Variants in CDH18 observed in about 807,000 individuals in gnomAD.
CDH18 encodes cadherin-18.
A neutral mutation model predicts 67.9 loss-of-function variants in CDH18; 31 were observed. That is an observed-to-expected ratio of 0.46 (90% CI 0.34 to 0.62). The LOEUF is 0.62. Among genes scored for constraint, CDH18 ranks in the 20% least tolerant of loss-of-function variants. CDH18 has a pLI of 0.01. For synonymous variants in CDH18, 362 were observed against 347.2 expected (o/e 1.04, Z -0.48); for missense variants, 890 against 975.5 (o/e 0.91, Z 1.17).
intron 1 of CDH18, among the ~76,000 whole-genome samples, chr5:20,285,318 C>T (rs1746601696): frequency 6.7e-6 from 1 of 150,080 alleles, no homozygotes. Context: ...CCACTGTTCT[C>T]AAGGATTTTG....
chr5:19,512,823 T>C (rs1038886030), intron 10 of CDH18, among the ~76,000 whole-genome samples: 30 of 152,098 alleles, frequency 2.0e-4, no homozygotes, highest in Non-Finnish European at 3.7e-4. Context: ...ATTTTAATTA[T>C]GACATTTATT....
At chr5:20,174,056 A>G (rs2126660498) in intron 2 of CDH18, among the ~76,000 whole-genome samples, 1 of 152,328 alleles carries the variant, frequency 6.6e-6, no homozygotes, top group South Asian at 2.1e-4. Flanking sequence ...AGTAGTCAAG[A>G]GAAAGTTTCC....
chr5:20,153,913 C>A (rs1454023288), intron 2 of CDH18, among the ~76,000 whole-genome samples: 1 of 152,128 alleles, frequency 6.6e-6, no homozygotes, highest in Non-Finnish European at 1.5e-5. Context: ...AGGAGGAAAC[C>A]AGTCCATAAA....
intron 1 of CDH18, among the ~76,000 whole-genome samples, chr5:20,306,092 A>C (rs548087762): frequency 6.6e-6 from 1 of 152,226 alleles, no homozygotes; most frequent in African/African-American, 2.4e-5. Flanking sequence ...AGACTTCTAC[A>C]CACAGCCTTG....
chr5:20,505,180 A>G (rs575929307), intron 1 of CDH18, among the ~76,000 whole-genome samples: 18 of 152,312 alleles, frequency 1.2e-4, no homozygotes, highest in Admixed American at 1.1e-3. Flanking sequence ...GACTGGTGGT[A>G]TAAGTACAGT....
At chr5:19,928,559 A>G (rs75946446) in intron 2 of CDH18, among the ~76,000 whole-genome samples, 8,096 of 152,214 alleles carry the variant, frequency 0.053, 704 homozygotes, top group African/African-American at 0.18. Flanking sequence ...ATGCTACACA[A>G]TACAGGAATG....
At chr5:19,956,684 T>C (rs1296301844) in intron 2 of CDH18, among the ~76,000 whole-genome samples, 1 of 151,912 alleles carries the variant, frequency 6.6e-6, no homozygotes, top group African/African-American at 2.4e-5. Flanking sequence ...TAAATAGTTA[T>C]TGCCTTCCAA....
chr5:20,395,826 G>T lies in CDH18; in HGVS notation c.-579-140321C>A, dbSNP rs1384732581. Among the ~76,000 whole-genome samples, 3 of 152,156 alleles carry T rather than the reference G, an allele frequency of 2.0e-5. No individual in the cohort carries two copies. The East Asian group carries it at 5.8e-4, about 30-fold the overall frequency. The stretch of plus-strand genomic sequence containing the variant: ...CCCACCCCTTCCACTTCCAGTGAGG[G>T]CAGAAAGGCTGAAGGCTTAGAAACC... On this transcript the variant is annotated intron_variant, in intron 1 of 14. Coordinates refer to the CDH18 transcript ENST00000507958.
intron 2 of CDH18, among the ~76,000 whole-genome samples, chr5:20,073,839 C>T (rs1445576936): frequency 6.6e-6 from 1 of 152,052 alleles, no homozygotes; most frequent in African/African-American, 2.4e-5. Context: ...TCAATACTTT[C>T]AGGATTATTG....
chr5:19,529,981 C>A (rs1193438574), intron 9 of CDH18, among the ~76,000 whole-genome samples: 1 of 151,870 alleles, frequency 6.6e-6, no homozygotes, highest in African/African-American at 2.4e-5. Flanking sequence ...CTAAAATAAC[C>A]CAAACAATTT....
intron 1 of CDH18, among the ~76,000 whole-genome samples, chr5:20,383,599 G>T (rs1744085155): frequency 6.6e-6 from 1 of 152,100 alleles, no homozygotes; most frequent in Admixed American, 6.5e-5. Context: ...TGATCAACTG[G>T]CATAAAATGC....
At chr5:20,245,951 T>A (rs1461388033) in intron 2 of CDH18, among the ~76,000 whole-genome samples, 1 of 152,116 alleles carries the variant, frequency 6.6e-6, no homozygotes, top group Non-Finnish European at 1.5e-5. Context: ...GATGCTGAGA[T>A]GTTGTGATTA....
intron 5 of CDH18, among the ~76,000 whole-genome samples, chr5:19,617,943 T>C (rs371757444): frequency 1.0e-3 from 157 of 152,290 alleles, no homozygotes; most frequent in African/African-American, 3.7e-3. Flanking sequence ...ATAATATTCA[T>C]ATAGCAGTAG....
At chr5:19,782,342 A>G (rs1775214145) in intron 3 of CDH18, among the ~76,000 whole-genome samples, 1 of 152,118 alleles carries the variant, frequency 6.6e-6, no homozygotes, top group South Asian at 2.1e-4. Flanking sequence ...CAGCCCCATG[A>G]TTCAACTACC....
chr5:20,067,182 G>C (rs1224958465), intron 2 of CDH18, among the ~76,000 whole-genome samples: 1 of 151,758 alleles, frequency 6.6e-6, no homozygotes, highest in Non-Finnish European at 1.5e-5. Context: ...TCAGTGACTT[G>C]AGCGTTGAGT....
chr5:20,498,088 G>C (rs1420936561), intron 1 of CDH18, among the ~76,000 whole-genome samples: 4 of 152,090 alleles, frequency 2.6e-5, no homozygotes. Flanking sequence ...CCATCCTCCA[G>C]AAATGTGAAA....
At chr5:20,572,224 G>GA (rs111914947) in intron 1 of CDH18, among the ~76,000 whole-genome samples, 105,438 of 148,862 alleles carry the variant, frequency 0.71, 37,891 homozygotes, top group African/African-American at 0.83. Flanking sequence ...TTTTGTAAAA[G>GA]AAAAAAAAAA....
At chr5:20,158,071 T>C (rs1183366254) in intron 2 of CDH18, among the ~76,000 whole-genome samples, 4 of 152,194 alleles carry the variant, frequency 2.6e-5, no homozygotes, top group African/African-American at 9.6e-5. Context: ...TTTTTGTGAA[T>C]TGGAGTATTT....
At chr5:19,498,537 T>C (rs1237122700) in intron 11 of CDH18, among the ~76,000 whole-genome samples, 1 of 152,206 alleles carries the variant, frequency 6.6e-6, no homozygotes, top group African/African-American at 2.4e-5. Context: ...AGCCAAAATA[T>C]TCCTTTAGAA....
Sources: gnomAD v4.1 joint callset for allele counts (sites outside exome capture counted in the v4.1 genomes callset) on GRCh38, gnomAD v4.1.1 for gene constraint, MANE v1.5 for transcripts, NCBI Gene and HGNC (gene_info 2026-07-23, HGNC 2026-07-21) for gene names.